Variants in COP1 observed in about 807,000 individuals in gnomAD.
The protein encoded by COP1 is E3 ubiquitin-protein ligase COP1.
A neutral mutation model predicts 101.3 loss-of-function variants in COP1; 24 were observed. The observed-to-expected ratio is 0.24, with a 90% CI of 0.17 to 0.33. COP1 has a LOEUF of 0.33. Ranked by LOEUF, COP1 falls within the 10% of genes least tolerant of loss-of-function variation. The probability of loss-of-function intolerance (pLI) is 1.00; values close to 1 mark genes in which losing one functional copy is unlikely to be tolerated. For synonymous variants in COP1, 347 were observed against 341.9 expected (o/e 1.01, Z -0.17); for missense variants, 663 against 906.2 (o/e 0.73, Z 3.45).
chr1:176,172,003 G>T (rs922267065), intron 3 of COP1, among the ~76,000 whole-genome samples: 5 of 152,090 alleles, frequency 3.3e-5, no homozygotes, highest in African/African-American at 1.2e-4. Context: ...CAGTTCTGAA[G>T]TAATCATTTT....
intron 18 of COP1, among the ~76,000 whole-genome samples, chr1:175,965,567 GTTTT>G (rs373869937): frequency 2.5e-5 from 3 of 118,988 alleles, no homozygotes; most frequent in African/African-American, 9.0e-5. Flanking sequence ...ACTTATCTGG[GTTTT>G]TTTTTTGTTT....
At chr1:176,082,936 C>T (rs1457585961) in intron 10 of COP1, among the ~76,000 whole-genome samples, 1 of 152,070 alleles carries the variant, frequency 6.6e-6, no homozygotes, top group Admixed American at 6.6e-5. Flanking sequence ...CATCAAAACA[C>T]CTAGATTTAA....
chr1:176,047,278 T>C (rs1671687268), intron 11 of COP1, among the ~76,000 whole-genome samples: 1 of 152,236 alleles, frequency 6.6e-6, no homozygotes, highest in Non-Finnish European at 1.5e-5. Context: ...ATTCACTTAC[T>C]AAAACATTTT....
chr1:175,945,242 C>T (rs1649015339), intron 19 of COP1, 72 bp from the exon 20 acceptor site: 1 of 1,087,272 alleles, frequency 9.2e-7, no homozygotes, highest in African/African-American at 1.6e-5. Flanking sequence ...TGACTCTTTA[C>T]TATATTTACC....
At chr1:176,042,104 T>A (rs779950732) in intron 14 of COP1, among the ~76,000 whole-genome samples, 2 of 151,026 alleles carry the variant, frequency 1.3e-5, no homozygotes, top group Non-Finnish European at 3.0e-5. Context: ...AGAGCGAGAT[T>A]ACGTCTCAAA....
chr1:176,100,611 C>T (rs1683241835), intron 9 of COP1, among the ~76,000 whole-genome samples: 1 of 152,060 alleles, frequency 6.6e-6, no homozygotes, highest in South Asian at 2.1e-4. Context: ...TATTATAGTT[C>T]TGAGCAATTA....
At chr1:176,117,543 T>A (rs531758556) in intron 8 of COP1, among the ~76,000 whole-genome samples, 1 of 152,316 alleles carries the variant, frequency 6.6e-6, no homozygotes, top group Non-Finnish European at 1.5e-5. Flanking sequence ...ATGACATACA[T>A]ACCAACCGTA....
At chr1:176,070,742 C>T (rs1214162723) in intron 11 of COP1, among the ~76,000 whole-genome samples, 3 of 152,134 alleles carry the variant, frequency 2.0e-5, no homozygotes, top group Non-Finnish European at 4.4e-5. Flanking sequence ...ACCTTGAGCT[C>T]CTGGGCTCAA....
chr1:176,121,606 C>T (rs549562943), intron 8 of COP1, among the ~76,000 whole-genome samples: 1 of 152,152 alleles, frequency 6.6e-6, no homozygotes, highest in Non-Finnish European at 1.5e-5. Context: ...ACTACTTTGA[C>T]AGTTGCAACT....
In COP1 at chr1:176,099,845, G is replaced by C. The variant is rs553307569; in HGVS notation, c.1027-13955C>G. ...ACCTTCTACAGGCCCAGAGCTCCAA[G>C]TTTATTTTGAGACGTTAAGAGAGCA... On this transcript the variant is annotated intron_variant, in intron 9 of 19. Transcript: ENST00000367669. Among the ~76,000 whole-genome samples, 139 of 152,238 alleles carry C rather than the reference G, an allele frequency of 9.1e-4. 1 individual carries two copies. Among genetic ancestry groups the C allele is most frequent in the Non-Finnish European group, 1.6e-3 (108 of 68,014 alleles).
At chr1:176,128,788 T>A (rs1688449862) in intron 8 of COP1, among the ~76,000 whole-genome samples, 1 of 151,872 alleles carries the variant, frequency 6.6e-6, no homozygotes, top group African/African-American at 2.4e-5. Flanking sequence ...TAAAAAAAAT[T>A]TCCAAATAAA....
chr1:176,156,200 C>T (rs1693422418), intron 5 of COP1, among the ~76,000 whole-genome samples: 1 of 152,034 alleles, frequency 6.6e-6, no homozygotes, highest in South Asian at 2.1e-4. Context: ...TCAAGATTGC[C>T]TGCAAACATA....
At chr1:176,092,218 T>C (rs761849774) in intron 9 of COP1, among the ~76,000 whole-genome samples, 3 of 152,118 alleles carry the variant, frequency 2.0e-5, no homozygotes, top group Non-Finnish European at 2.9e-5. Context: ...AATGAATATA[T>C]AGAAAACACT....
At chr1:176,089,118 T>C (rs1031219152) in intron 9 of COP1, among the ~76,000 whole-genome samples, 1 of 151,778 alleles carries the variant, frequency 6.6e-6, no homozygotes, top group Non-Finnish European at 1.5e-5. Flanking sequence ...CTGGCCAAGA[T>C]GGTGAAACCC....
intron 11 of COP1, among the ~76,000 whole-genome samples, chr1:176,051,663 C>A (rs1672585590): frequency 6.6e-6 from 1 of 152,056 alleles, no homozygotes; most frequent in African/African-American, 2.4e-5. Context: ...TAGGAGATGA[C>A]AGCTCCATGT....
chr1:175,978,490 T>G (rs1655075498), intron 18 of COP1, among the ~76,000 whole-genome samples: 1 of 152,130 alleles, frequency 6.6e-6, no homozygotes, highest in South Asian at 2.1e-4. Context: ...AAAAACAAAT[T>G]ACTAGGGTTG....
At chr1:176,126,027 G>A (rs1687927233) in intron 8 of COP1, among the ~76,000 whole-genome samples, 1 of 152,080 alleles carries the variant, frequency 6.6e-6, no homozygotes, top group South Asian at 2.1e-4. Flanking sequence ...GTTCACTGCT[G>A]GCATATAAAC....
intron 8 of COP1, among the ~76,000 whole-genome samples, chr1:176,122,158 T>C (rs1477098325): frequency 1.6e-5 from 2 of 128,114 alleles, no homozygotes; most frequent in Non-Finnish European, 3.4e-5. Flanking sequence ...AAAAAAAAAA[T>C]CTGGGCTCAA....
intron 18 of COP1, among the ~76,000 whole-genome samples, chr1:175,958,952 A>T (rs1256671227): frequency 6.6e-6 from 1 of 151,976 alleles, no homozygotes; most frequent in African/African-American, 2.4e-5. Context: ...GAACTCCTTA[A>T]TTTGCTTTAT....
Sources: allele counts gnomAD v4.1 joint callset (sites outside exome capture counted in the v4.1 genomes callset), GRCh38; gene constraint gnomAD v4.1.1; transcripts MANE v1.5; gene names NCBI Gene and HGNC (gene_info 2026-07-23, HGNC 2026-07-21).